BNC2: variants seen among roughly 807,000 people sequenced by gnomAD.
BNC2 encodes the protein basonuclin zinc finger protein 2.
In BNC2, 20 loss-of-function variants were observed where a neutral mutation model predicts 76.3. The observed-to-expected ratio is 0.26, with a 90% CI of 0.18 to 0.38. BNC2 has a LOEUF of 0.38. Among genes scored for constraint, BNC2 ranks in the 10% least tolerant of loss-of-function variants. The pLI, the probability that BNC2 is intolerant of heterozygous loss-of-function variation, is 1.00. For missense variants in BNC2, 1,382 were observed against 1,399.8 expected (o/e 0.99, Z 0.20); for synonymous variants, 582 against 514.8 (o/e 1.13, Z -1.77).
rs758267317 is a variant in BNC2 at position 16,493,733 on chromosome 9, C to G, written c.670-56209G>C. 2.2e-4 allele frequency among the ~76,000 whole-genome samples: 33 copies of G among 152,218 alleles called. 1 individual carries two copies. The highest frequency in any genetic ancestry group is 2.9e-5 in the Non-Finnish European group (2 of 68,040). On this transcript the variant is annotated intron_variant, in intron 5 of 6. Coordinates refer to ENST00000380672, the MANE Select transcript of BNC2 (RefSeq NM_017637.6). The stretch of plus-strand genomic sequence containing the variant: ...TCCCATGCTGGGAAAGGGTACTCTA[C>G]TTGCACAGCAGGGGGCTAAGGCAGT...
chr9:16,859,114 G>A (rs542649455), intron 1 of BNC2, among the ~76,000 whole-genome samples: 1 of 151,894 alleles, frequency 6.6e-6, no homozygotes, highest in African/African-American at 2.4e-5. Context: ...CTTAACATCA[G>A]GAATCAAGGA....
At chr9:16,616,820 A>AAGGAAGG (rs754810040) in intron 3 of BNC2, among the ~76,000 whole-genome samples, 17,332 of 128,932 alleles carry the variant, frequency 0.13, 2,887 homozygotes, top group Middle Eastern at 0.24. Context: ...AGGAAGGAAG[A>AAGGAAGG]AAGGAAGGAA....
At chr9:16,699,171 A>G (rs1439953164) in intron 3 of BNC2, 2 of 470,610 alleles carry the variant, frequency 4.2e-6, no homozygotes, top group Admixed American at 2.4e-5. Context: ...CAGAAAGGCT[A>G]TAAGGCTTAC....
chr9:16,860,573 G>C lies in BNC2; in HGVS notation c.3+10073C>G, dbSNP rs563855157. On this transcript the variant is annotated intron_variant, in intron 1 of 6. Coordinates refer to ENST00000380672, the MANE Select transcript of BNC2 (RefSeq NM_017637.6). Reference sequence around the variant, plus strand: ...AGATCTATGAATCCACCCTGTGGGAGCTCAAACTGTAAGACACTTATCAAA... The same window carrying C: ...AGATCTATGAATCCACCCTGTGGGACCTCAAACTGTAAGACACTTATCAAA... Among the ~76,000 whole-genome samples, 14 of 152,260 alleles carry C rather than the reference G, an allele frequency of 9.2e-5. No homozygotes were observed. In the East Asian group the frequency reaches 2.7e-3, roughly 29 times the overall value.
At chr9:16,491,235 G>C (rs1452825638) in intron 5 of BNC2, among the ~76,000 whole-genome samples, 2 of 152,084 alleles carry the variant, frequency 1.3e-5, no homozygotes, top group Non-Finnish European at 2.9e-5. Context: ...CTGAGAATGG[G>C]ATTTGTGAAA....
At chr9:16,612,152 GTCTT>G (rs1315521431) in intron 3 of BNC2, among the ~76,000 whole-genome samples, 1 of 151,648 alleles carries the variant, frequency 6.6e-6, no homozygotes, top group Non-Finnish European at 1.5e-5. Context: ...AAATGTGGAC[GTCTT>G]TCTTTCTCCC....
intron 3 of BNC2, among the ~76,000 whole-genome samples, chr9:16,697,332 G>C (rs923503065): frequency 3.3e-5 from 5 of 151,874 alleles, no homozygotes; most frequent in African/African-American, 1.2e-4. Context: ...GTGACAGAGC[G>C]AGACTCCACC....
intron 4 of BNC2, chr9:16,579,944 A>G: frequency 2.5e-6 from 1 of 396,452 alleles, no homozygotes; most frequent in Non-Finnish European, 4.4e-6. Context: ...GAATGCATTC[A>G]GTGCTACCAT....
chr9:16,737,705 G>C (rs1354317131), intron 2 of BNC2, among the ~76,000 whole-genome samples: 2 of 152,106 alleles, frequency 1.3e-5, no homozygotes, highest in Admixed American at 1.3e-4. Flanking sequence ...CATGAACTTA[G>C]AGATTGTTTT....
intron 1 of BNC2, among the ~76,000 whole-genome samples, chr9:16,837,652 C>T (rs926402755): frequency 1.3e-5 from 2 of 152,174 alleles, no homozygotes; most frequent in African/African-American, 4.8e-5. Context: ...AATAAAACCT[C>T]AGAATTATCT....
At chr9:16,726,736 C>T (rs1330138738) in intron 3 of BNC2, 1 of 152,148 alleles carries the variant, frequency 6.6e-6, no homozygotes, top group Non-Finnish European at 1.5e-5. Context: ...ATCAAACTAA[C>T]TTGCTTTGTG....
chr9:16,661,067 TGTAAGGAAACTGA>T (rs1326844771), intron 3 of BNC2, among the ~76,000 whole-genome samples: 2 of 152,154 alleles, frequency 1.3e-5, no homozygotes, highest in Non-Finnish European at 2.9e-5. Context: ...CCATTTTAAA[TGTAAGGAAACTGA>T]GGCTCAAGAA....
chr9:16,593,104 G>T (rs1016313663), intron 3 of BNC2, among the ~76,000 whole-genome samples: 2 of 151,418 alleles, frequency 1.3e-5, no homozygotes, highest in Non-Finnish European at 2.9e-5. Context: ...GTTAAAAATT[G>T]ACAATGCTGA....
At chr9:16,607,719 A>G (rs1820423949) in intron 3 of BNC2, among the ~76,000 whole-genome samples, 1 of 152,180 alleles carries the variant, frequency 6.6e-6, no homozygotes, top group Non-Finnish European at 1.5e-5. Flanking sequence ...TCTTTTTGAA[A>G]TCTAAGGTGA....
chr9:16,770,244 T>G (rs1162455561), intron 1 of BNC2, among the ~76,000 whole-genome samples: 1 of 152,144 alleles, frequency 6.6e-6, no homozygotes, highest in Non-Finnish European at 1.5e-5. Context: ...ACTGCCACCC[T>G]AAGATCAGGG....
intron 3 of BNC2, among the ~76,000 whole-genome samples, chr9:16,590,162 T>C (rs139890435): frequency 1.3e-5 from 2 of 152,194 alleles, no homozygotes; most frequent in Admixed American, 6.5e-5. Context: ...ATTAATAAAA[T>C]GCTCTAATGG....
At chr9:16,719,539 T>C (rs887880935) in intron 3 of BNC2, among the ~76,000 whole-genome samples, 1 of 152,116 alleles carries the variant, frequency 6.6e-6, no homozygotes, top group Admixed American at 6.5e-5. Flanking sequence ...AGAGAACCAA[T>C]AGCCACTAAA....
intron 5 of BNC2, among the ~76,000 whole-genome samples, chr9:16,526,805 T>C (rs577277192): frequency 6.6e-6 from 1 of 152,124 alleles, no homozygotes; most frequent in Admixed American, 6.5e-5. Flanking sequence ...TCCCAGAACG[T>C]GGATATAGCA....
chr9:16,602,317 A>G (rs1210945767), intron 3 of BNC2, among the ~76,000 whole-genome samples: 4 of 152,232 alleles, frequency 2.6e-5, no homozygotes, highest in Non-Finnish European at 4.4e-5. Flanking sequence ...ATTTACTACT[A>G]ATCATCTTAA....
Sources: allele counts gnomAD v4.1 joint callset (sites outside exome capture counted in the v4.1 genomes callset), GRCh38; gene constraint gnomAD v4.1.1; transcripts MANE v1.5; gene names NCBI Gene and HGNC (gene_info 2026-07-23, HGNC 2026-07-21).